ATP9B: variants seen among roughly 807,000 people sequenced by gnomAD.
ATP9B encodes the protein probable phospholipid-transporting ATPase IIB.
A neutral mutation model predicts 146.1 loss-of-function variants in ATP9B; 110 were observed. The observed-to-expected ratio is 0.75, with a 90% CI of 0.65 to 0.88. The LOEUF (loss-of-function observed/expected upper bound fraction) is 0.88. Ranked by LOEUF, ATP9B falls within the 40% of genes least tolerant of loss-of-function variation. The pLI is 0.00. For missense variants in ATP9B, 1,499 were observed against 1,496.4 expected (o/e 1.00, Z -0.03); for synonymous variants, 604 against 569.7 (o/e 1.06, Z -0.86).
At chr18:79,336,937 T>A (rs2096830421) in intron 18 of ATP9B, among the ~76,000 whole-genome samples, 1 of 152,192 alleles carries the variant, frequency 6.6e-6, no homozygotes, top group African/African-American at 2.4e-5. Context: ...AGTGCCAGTT[T>A]CCTTAGAATT....
intron 26 of ATP9B, among the ~76,000 whole-genome samples, chr18:79,369,642 C>T (rs1318319953): frequency 1.3e-5 from 2 of 151,920 alleles, no homozygotes; most frequent in African/African-American, 2.4e-5. Flanking sequence ...GGAGTCCTGG[C>T]ATTTTGGAGT....
chr18:79,300,858 C>T (rs974819669), intron 13 of ATP9B, among the ~76,000 whole-genome samples: 1 of 152,094 alleles, frequency 6.6e-6, no homozygotes, highest in African/African-American at 2.4e-5. Flanking sequence ...TGAAATTGTT[C>T]ATAATAAAAA....
chr18:79,304,949 A>G (rs2096612456), intron 14 of ATP9B, among the ~76,000 whole-genome samples: 1 of 152,222 alleles, frequency 6.6e-6, no homozygotes, highest in African/African-American at 2.4e-5. Flanking sequence ...GCTAAGGCCT[A>G]TCAGGTTCAA....
At chr18:79,180,115 TC>T (rs1364592384) in intron 8 of ATP9B, among the ~76,000 whole-genome samples, 207 of 152,356 alleles carry the variant, frequency 1.4e-3, no homozygotes, top group African/African-American at 4.8e-3. Flanking sequence ...TGGTTTATCT[TC>T]CATTAGTGTG....
At chr18:79,248,011 A>T (rs936054433) in intron 11 of ATP9B, among the ~76,000 whole-genome samples, 1 of 152,214 alleles carries the variant, frequency 6.6e-6, no homozygotes, top group Non-Finnish European at 1.5e-5. Flanking sequence ...TTGTGCTGAT[A>T]CTTATTTAGG....
At chr18:79,227,207 G>C (rs1447417422) in intron 11 of ATP9B, among the ~76,000 whole-genome samples, 3 of 152,052 alleles carry the variant, frequency 2.0e-5, no homozygotes, top group African/African-American at 7.3e-5. Flanking sequence ...TCCACAGACA[G>C]ATGTTCCAGA....
chr18:79,245,908 C>CACCCTACT (rs1216139217), intron 11 of ATP9B, among the ~76,000 whole-genome samples: 1 of 143,140 alleles, frequency 7.0e-6, no homozygotes, highest in African/African-American at 2.6e-5. Context: ...AGGAGGGCAC[C>CACCCTACT]GCCCTACTGA....
At chr18:79,276,929 G>T in intron 12 of ATP9B, 125 bp from the exon 13 acceptor site, 2 of 1,464,884 alleles carry the variant, frequency 1.4e-6, no homozygotes. Flanking sequence ...GGCAGTTTGG[G>T]TATGAACTTG....
chr18:79,302,764 G>C (rs2096599486), intron 13 of ATP9B, among the ~76,000 whole-genome samples: 1 of 152,132 alleles, frequency 6.6e-6, no homozygotes, highest in African/African-American at 2.4e-5. Flanking sequence ...CAGACCTCCT[G>C]TCTGTCATTC....
At chr18:79,353,703 T>C (rs1169859547) in intron 25 of ATP9B, 1 of 152,190 alleles carries the variant, frequency 6.6e-6, no homozygotes, top group Admixed American at 6.5e-5. Context: ...GTGACGGAGA[T>C]GCTCCGTGTC....
At chr18:79,327,536 AGCGTGCTCTCCG>A (rs2096757429) in intron 15 of ATP9B, among the ~76,000 whole-genome samples, 1 of 137,898 alleles carries the variant, frequency 7.3e-6, no homozygotes. Flanking sequence ...CTCCGTGGTT[AGCGTGCTCTCCG>A]TGGTTAGCGT....
chr18:79,176,708 T>G, intron 7 of ATP9B, 105 bp from the exon 8 acceptor site: 1 of 847,114 alleles, frequency 1.2e-6, no homozygotes, highest in Non-Finnish European at 1.9e-6. Context: ...TTGTTATTTC[T>G]TTGTCCTACT....
At chr18:79,325,938 CAT>C (rs2096742367) in intron 15 of ATP9B, among the ~76,000 whole-genome samples, 2 of 144,484 alleles carry the variant, frequency 1.4e-5, no homozygotes, top group Admixed American at 1.4e-4. Flanking sequence ...CCTCCCCTCA[CAT>C]GGTGTTAGGG....
intron 15 of ATP9B, 127 bp from the exon 16 acceptor site, chr18:79,329,014 T>C: frequency 9.8e-7 from 1 of 1,018,312 alleles, no homozygotes; most frequent in South Asian, 2.5e-5. Flanking sequence ...AACAAAAAGT[T>C]CTGAACACCT....
intron 8 of ATP9B, among the ~76,000 whole-genome samples, chr18:79,178,753 C>T (rs189700515): frequency 2.3e-4 from 35 of 152,104 alleles, no homozygotes; most frequent in Non-Finnish European, 4.1e-4. Flanking sequence ...TATTATGTCA[C>T]GGTATTTGAT....
intron 1 of ATP9B, among the ~76,000 whole-genome samples, chr18:79,082,364 G>A (rs931469435): frequency 2.0e-5 from 3 of 152,102 alleles, no homozygotes; most frequent in Non-Finnish European, 4.4e-5. Flanking sequence ...TCTTTAGCTC[G>A]GAGGAGTTTG....
intron 26 of ATP9B, chr18:79,363,638 ACATAAACAGATGTTCCTGGATTCGGAGG>A (rs2097005681): frequency 1.3e-5 from 2 of 148,240 alleles, no homozygotes; most frequent in African/African-American, 5.0e-5. Context: ...GGATTGAGAG[ACATAAACAGATGTTCCTGGATTCGGAGG>A]CATAAACAGA....
intron 7 of ATP9B, among the ~76,000 whole-genome samples, chr18:79,162,942 C>T (rs1034316441): frequency 1.3e-5 from 2 of 152,172 alleles, no homozygotes; most frequent in South Asian, 2.1e-4. Context: ...GACACATACA[C>T]GAGTTGATCT....
rs141816669 is a variant in ATP9B, at chr18:79,289,775, T to C, written c.1411+12579T>C. ...CTTTTGGTCTTTGATGATGGTGATG[T>C]ACAGATTAGTTTTTGGTGTGGATGT... On this transcript the variant is annotated intron_variant, in intron 13 of 29. Transcript: ENST00000426216. Among the ~76,000 whole-genome samples, 28 of 152,348 alleles carry C rather than the reference T, an allele frequency of 1.8e-4. No homozygotes were observed. The East Asian group carries it at 2.7e-3, about 15-fold the overall frequency.
Sources: gnomAD v4.1 joint callset for allele counts (sites outside exome capture counted in the v4.1 genomes callset) on GRCh38, gnomAD v4.1.1 for gene constraint, MANE v1.5 for transcripts, NCBI Gene and HGNC (gene_info 2026-07-23, HGNC 2026-07-21) for gene names.